FBXO36: variants seen among roughly 807,000 people sequenced by gnomAD.
FBXO36 encodes F-box only protein 36.
In FBXO36, 18 loss-of-function variants were observed where a neutral mutation model predicts 17.0. That is an observed-to-expected ratio of 1.06 (90% CI 0.73 to 1.57). The LOEUF is 1.57. FBXO36 is among the 40% of genes most tolerant of loss of function. The pLI is 0.00. For synonymous variants in FBXO36, 83 were observed against 85.3 expected (o/e 0.97, Z 0.15); for missense variants, 229 against 221.9 (o/e 1.03, Z -0.20).
intron 1 of FBXO36, among the ~76,000 whole-genome samples, chr2:229,960,643 G>T (rs1012120757): frequency 2.0e-5 from 3 of 152,128 alleles, no homozygotes; most frequent in Non-Finnish European, 4.4e-5. Context: ...GGCATGTGCC[G>T]CCATGCCTGG....
chr2:229,941,670 A>G (rs2076999386), intron 1 of FBXO36, among the ~76,000 whole-genome samples: 1 of 151,898 alleles, frequency 6.6e-6, no homozygotes, highest in African/African-American at 2.4e-5. Flanking sequence ...TGTTACTCTC[A>G]CTCGAGGCTG....
chr2:230,003,537 CTTTTT>C, intron 3 of FBXO36, among the ~76,000 whole-genome samples: 2 of 145,874 alleles, frequency 1.4e-5, no homozygotes, highest in East Asian at 4.0e-4. Flanking sequence ...TGTTCTTCTT[CTTTTT>C]TTTTTTTTGA....
chr2:229,990,295 G>C (rs182395746), intron 2 of FBXO36, among the ~76,000 whole-genome samples: 1 of 149,952 alleles, frequency 6.7e-6, no homozygotes, highest in African/African-American at 2.4e-5. Flanking sequence ...ACATATTAGA[G>C]CAGTACCTGG....
intron 1 of FBXO36, among the ~76,000 whole-genome samples, chr2:229,974,019 C>T (rs1021193211): frequency 3.0e-4 from 45 of 151,244 alleles, no homozygotes; most frequent in Admixed American, 2.2e-3. Context: ...CACTGCACTC[C>T]AGCCTGGGTG....
chr2:229,960,083 A>G (rs2077112542), intron 1 of FBXO36, among the ~76,000 whole-genome samples: 1 of 152,068 alleles, frequency 6.6e-6, no homozygotes, highest in Non-Finnish European at 1.5e-5. Flanking sequence ...CTTTTCTGAA[A>G]TGAATGTGAT....
intron 1 of FBXO36, among the ~76,000 whole-genome samples, chr2:229,925,184 A>G (rs924145449): frequency 1.3e-5 from 2 of 151,996 alleles, no homozygotes; most frequent in South Asian, 4.1e-4. Flanking sequence ...TTACATATAT[A>G]TAAAATCCTA....
chr2:229,986,686 C>G (rs1460943005), intron 2 of FBXO36, among the ~76,000 whole-genome samples: 2 of 151,566 alleles, frequency 1.3e-5, no homozygotes, highest in African/African-American at 2.4e-5. Context: ...AGGCACCCAC[C>G]ACCATGCCCA....
chr2:229,936,130 C>T (rs2076962567), intron 1 of FBXO36, among the ~76,000 whole-genome samples: 2 of 152,056 alleles, frequency 1.3e-5, no homozygotes, highest in African/African-American at 2.4e-5. Flanking sequence ...TTGCAGTGAA[C>T]CGAGGTCACG....
chr2:230,004,157 C>A (rs370123902), intron 3 of FBXO36, among the ~76,000 whole-genome samples: 4 of 152,198 alleles, frequency 2.6e-5, no homozygotes, highest in African/African-American at 9.6e-5. Context: ...ACACTGCTCT[C>A]TTTTCCAGGA....
chr2:229,987,306 C>G (rs994663777), intron 2 of FBXO36, among the ~76,000 whole-genome samples: 4 of 151,482 alleles, frequency 2.6e-5, no homozygotes, highest in African/African-American at 9.7e-5. Flanking sequence ...TAAATTGTCA[C>G]TTTTTTGTTG....
At chr2:229,973,282 G>GA (rs937082227) in intron 1 of FBXO36, 29 of 151,994 alleles carry the variant, frequency 1.9e-4, no homozygotes, top group African/African-American at 7.0e-4. Flanking sequence ...ACCAATTTGA[G>GA]AAAAAATAAG....
Position 229,928,811 on chromosome 2 carries a change from G to C in FBXO36, c.96+6202G>C, listed in dbSNP as rs77344313. ...AGAATCTCATTCTGTCCCCCAGGCT[G>C]GTGTGTAGTGGTGCAGTCAGCTCAC... On this transcript the variant is annotated intron_variant, in intron 1 of 3. Coordinates refer to ENST00000283946, the MANE Select transcript of FBXO36 (RefSeq NM_174899.5). Among the ~76,000 whole-genome samples the C allele has an allele frequency of 4.3e-3, 651 of 152,156 alleles. 5 individuals carry two copies. The highest frequency in any genetic ancestry group is 0.014 in the African/African-American group (586 of 41,514).
rs984339155 is a variant in FBXO36 at position 229,996,885 on chromosome 2, A to G, written c.340A>G (p.Ile114Val). The G allele has an allele frequency of 6.2e-7, 1 of 1,613,950 alleles. No homozygotes were observed. Among genetic ancestry groups the G allele is most frequent in the South Asian group, 1.1e-5 (1 of 91,026 alleles). The change falls in exon 3 of 4, where the codon ATT becomes GTT. Residue 114 changes from isoleucine (I) to valine (V), a missense_variant. By Grantham distance (29) the Ile-to-Val change is conservative. Transcript: ENST00000283946. Reference protein sequence around the residue: ...TIISYLDLEDIARLCQTSHRF... With the variant: ...TIISYLDLEDVARLCQTSHRF... ...CATTTCTTATCTGGATCTTGAAGAT[A>G]TTGCCAGGCTTTGTCAAACATCACA...
chr2:229,928,918 A>T (rs1490157725), intron 1 of FBXO36, among the ~76,000 whole-genome samples: 3 of 150,604 alleles, frequency 2.0e-5, no homozygotes, highest in African/African-American at 7.3e-5. Flanking sequence ...GAATTTCTGT[A>T]CCCATCCTTA....
At chr2:229,963,376 T>G (rs2077134168) in intron 1 of FBXO36, among the ~76,000 whole-genome samples, 1 of 151,720 alleles carries the variant, frequency 6.6e-6, no homozygotes, top group African/African-American at 2.4e-5. Flanking sequence ...CCAGGTTGTT[T>G]TTTTTAGCTT....
chr2:229,945,963 A>C (rs1486416139), intron 1 of FBXO36, among the ~76,000 whole-genome samples: 1 of 151,934 alleles, frequency 6.6e-6, no homozygotes, highest in African/African-American at 2.4e-5. Context: ...CGGAGGTTGC[A>C]ATGAGCTGAG....
Position 230,011,675 on chromosome 2 carries a change from C to G in FBXO36, c.*791C>G, listed in dbSNP as rs2077417088. ...TGTAGGCCAGGCTGGTCTTGAACTCCTGACCTCAAGTGATCTACCTGCTCT... is the reference window on the plus strand; with the variant it reads ...TGTAGGCCAGGCTGGTCTTGAACTCGTGACCTCAAGTGATCTACCTGCTCT... On this transcript the variant is annotated 3_prime_UTR_variant, in exon 4 of 4. Coordinates refer to ENST00000283946, the MANE Select transcript of FBXO36 (RefSeq NM_174899.5). 6.9e-6 allele frequency: 1 copy of G among 143,904 alleles called. No individual in the cohort carries two copies. 8.9% of individuals were successfully genotyped at this position (143,904 alleles called of 1,614,324 possible). A position where few individuals can be genotyped will look rare whatever the true frequency, so the allele number is the denominator to read the frequency against.
chr2:229,933,009 G>A (rs766422749), intron 1 of FBXO36: 28 of 171,064 alleles, frequency 1.6e-4, no homozygotes, highest in Non-Finnish European at 3.2e-4. Flanking sequence ...GGAGGTTGCA[G>A]TGAGCTGAGA....
intron 1 of FBXO36, among the ~76,000 whole-genome samples, chr2:229,938,396 A>G (rs2076977655): frequency 8.6e-6 from 1 of 116,130 alleles, no homozygotes; most frequent in Non-Finnish European, 1.7e-5. Context: ...TAATTTTTGT[A>G]TTTTTTGTAT....
Sources: gnomAD v4.1 joint callset for allele counts (sites outside exome capture counted in the v4.1 genomes callset) on GRCh38, gnomAD v4.1.1 for gene constraint, MANE v1.5 for transcripts, NCBI Gene and HGNC (gene_info 2026-07-23, HGNC 2026-07-21) for gene names.